Variants in ZBTB44 observed in about 807,000 individuals in gnomAD.
ZBTB44 encodes the protein zinc finger and BTB domain containing 44.
ZBTB44 carries 15 observed loss-of-function variants against 54.0 expected under a neutral mutation model. The ratio of observed to expected loss-of-function variants is 0.28; its 90% CI spans 0.19 to 0.43. ZBTB44 has a LOEUF of 0.43. Ranked by LOEUF, ZBTB44 falls within the 20% of genes least tolerant of loss-of-function variation. ZBTB44 has a pLI of 1.00. For missense variants in ZBTB44, 487 were observed against 707.1 expected, an observed-to-expected ratio of 0.69 and a Z score of 3.53; for synonymous variants, 230 against 250.1, an observed-to-expected ratio of 0.92 and a Z score of 0.76.
At chr11:130,293,746 A>G (rs150080866) in intron 1 of ZBTB44, among the ~76,000 whole-genome samples, 2 of 151,916 alleles carry the variant, frequency 1.3e-5, no homozygotes, top group Admixed American at 1.3e-4. Flanking sequence ...CCGTGGGCCA[A>G]GACTGCACCA....
At chr11:130,239,516 C>G in intron 3 of ZBTB44, 1 of 262,142 alleles carries the variant, frequency 3.8e-6, no homozygotes, top group Non-Finnish European at 7.5e-6. Context: ...TCCAGTAATA[C>G]TTGATTTACA....
Position 130,228,258 on chromosome 11 carries a change from A to ATCT in ZBTB44, c.*3505_*3506insAGA, listed in dbSNP as rs1953756331. On this transcript the variant is annotated 3_prime_UTR_variant, in exon 8 of 8. Transcript: ENST00000357899. ...TTGCTTTTTTAAAAAATACCTTGAG[A>ATCT]TATAAGCATTAGAAGTCATCACTTT... The ATCT allele has an allele frequency of 6.6e-6, 1 of 152,224 alleles. No homozygotes were observed. Among genetic ancestry groups the ATCT allele is most frequent in the Non-Finnish European group, 1.5e-5 (1 of 68,040 alleles). 9.4% of individuals were successfully genotyped at this position (152,224 alleles called of 1,614,324 possible). A position where few individuals can be genotyped will look rare whatever the true frequency, so the allele number is the denominator to read the frequency against.
chr11:130,282,469 G>C (rs1263939319), intron 1 of ZBTB44, among the ~76,000 whole-genome samples: 3 of 152,216 alleles, frequency 2.0e-5, no homozygotes, highest in African/African-American at 4.8e-5. Context: ...ACTGTGTCAA[G>C]ATTTCTTCCT....
intron 1 of ZBTB44, among the ~76,000 whole-genome samples, chr11:130,300,351 C>A (rs1282565689): frequency 6.6e-6 from 1 of 151,894 alleles, no homozygotes; most frequent in Non-Finnish European, 1.5e-5. Flanking sequence ...CACACACACA[C>A]AAATCAATGG....
Position 130,278,590 on chromosome 11 carries a change from T to C in ZBTB44, c.-56-16661A>G, listed in dbSNP as rs139867394. 7.1e-4 allele frequency among the ~76,000 whole-genome samples: 108 copies of C among 152,300 alleles called. 1 individual carries two copies. The South Asian group carries it at 0.012, about 17-fold the overall frequency. ...CTTAAGTGTTTAATGGTATGTGGGA[T>C]GGTGTCTTATGTTTTGCTGAAGCTC... On this transcript the variant is annotated intron_variant, in intron 1 of 7. Transcript: ENST00000357899.
chr11:130,269,540 G>A (rs1006619282), intron 1 of ZBTB44, among the ~76,000 whole-genome samples: 7 of 152,110 alleles, frequency 4.6e-5, no homozygotes, highest in African/African-American at 1.7e-4. Context: ...ATGAAATACT[G>A]CTATCACACA....
chr11:130,251,467 G>GTATCTT, intron 2 of ZBTB44, among the ~76,000 whole-genome samples: 1 of 152,066 alleles, frequency 6.6e-6, no homozygotes, highest in Non-Finnish European at 1.5e-5. Flanking sequence ...TACTCCTCGA[G>GTATCTT]AATAGCAACC....
chr11:130,295,630 T>A lies in ZBTB44; in HGVS notation c.-57+18745A>T, dbSNP rs201896132. 154 of 769,518 alleles carry A rather than the reference T, an allele frequency of 2.0e-4. No homozygotes were observed. In the South Asian group the frequency reaches 2.4e-3, roughly 12 times the overall value. The allele number at this position is 769,518 out of a possible 1,614,324, so 47.7% of individuals were successfully genotyped here. ...ATATTGTCAATGAAAACTCTGAAGT[T>A]AAAAAAAAAAATGGGTTTTACCAAC... On this transcript the variant is annotated intron_variant, in intron 1 of 7. Coordinates refer to ENST00000357899, the MANE Select transcript of ZBTB44 (RefSeq NM_001301098.2).
At chr11:130,286,279 A>C (rs977500561) in intron 1 of ZBTB44, among the ~76,000 whole-genome samples, 28 of 152,382 alleles carry the variant, frequency 1.8e-4, no homozygotes, top group African/African-American at 6.3e-4. Context: ...GTGACTGTGA[A>C]AATGACAGAT....
At chr11:130,285,619 C>A in intron 1 of ZBTB44, 1 of 244,790 alleles carries the variant, frequency 4.1e-6, no homozygotes, top group Non-Finnish European at 8.3e-6. Context: ...ATCTAAGCTT[C>A]CCATTCTGTT....
At chr11:130,241,573 A>G (rs1028513319) in intron 2 of ZBTB44, among the ~76,000 whole-genome samples, 7 of 152,148 alleles carry the variant, frequency 4.6e-5, no homozygotes, top group Admixed American at 2.6e-4. Flanking sequence ...CCTTTTTAGC[A>G]TAAGAGTTCT....
rs1565638497 is a variant in ZBTB44, at chr11:130,230,751, C to T, written c.*1013G>A. 2 of 151,968 alleles carry T rather than the reference C, an allele frequency of 1.3e-5. No homozygotes were observed. The highest frequency in any genetic ancestry group is 1.3e-4 in the Admixed American group (2 of 15,254). The allele number at this position is 151,968 out of a possible 1,614,324, so 9.4% of individuals were successfully genotyped here. ...AAAAAATAAAGACCAATATTAATCT[C>T]TTTATTTCTGAATGAGATGAAATCA... On this transcript the variant is annotated 3_prime_UTR_variant, in exon 8 of 8. Transcript: ENST00000357899.
Position 130,227,138 on chromosome 11 carries a change from A to T in ZBTB44, c.*4626T>A, listed in dbSNP as rs1278150304. On this transcript the variant is annotated 3_prime_UTR_variant, in exon 8 of 8. Coordinates refer to ENST00000357899, the MANE Select transcript of ZBTB44 (RefSeq NM_001301098.2). ...ATATATATATATGTAGTCACCAAGA[A>T]CTATGGTTCCTGTAAAATACTAATA... is the stretch of plus-strand genomic sequence containing the variant. 1 of 152,214 alleles carries T rather than the reference A, an allele frequency of 6.6e-6. No individual in the cohort carries two copies. The highest frequency in any genetic ancestry group is 2.4e-5 in the African/African-American group (1 of 41,462). The allele number at this position is 152,214 out of a possible 1,614,324, so 9.4% of individuals were successfully genotyped here.
At chr11:130,244,024 A>G (rs952993990) in intron 2 of ZBTB44, among the ~76,000 whole-genome samples, 1 of 152,120 alleles carries the variant, frequency 6.6e-6, no homozygotes, top group African/African-American at 2.4e-5. Context: ...CTTTGAGTTG[A>G]TCAACCAAAG....
intron 2 of ZBTB44, among the ~76,000 whole-genome samples, chr11:130,247,589 G>C (rs971954247): frequency 6.6e-6 from 1 of 152,176 alleles, no homozygotes; most frequent in Admixed American, 6.5e-5. Context: ...AGAAATAAAC[G>C]ATAATGAGAG....
chr11:130,262,542 T>C (rs1046070750), intron 1 of ZBTB44, among the ~76,000 whole-genome samples: 4 of 152,152 alleles, frequency 2.6e-5, no homozygotes, highest in Non-Finnish European at 5.9e-5. Context: ...ATGCTTCACA[T>C]TTAATAGTTA....
In ZBTB44 at chr11:130,229,650, T is replaced by C. The variant is rs927083855; in HGVS notation, c.*2114A>G. ...GTATGCTTAGTTTTAATATTCCTCA[T>C]AGACATGTTTGCCACAACAGAGCTT... is the stretch of plus-strand genomic sequence containing the variant. On this transcript the variant is annotated 3_prime_UTR_variant, in exon 8 of 8. Coordinates refer to ENST00000357899, the MANE Select transcript of ZBTB44 (RefSeq NM_001301098.2). 6.6e-6 allele frequency: 1 copy of C among 152,218 alleles called. No homozygotes were observed. The highest frequency in any genetic ancestry group is 1.5e-5 in the Non-Finnish European group (1 of 68,022). The allele number at this position is 152,218 out of a possible 1,614,324, so 9.4% of individuals were successfully genotyped here. A position where few individuals can be genotyped will look rare whatever the true frequency, so the allele number is the denominator to read the frequency against.
chr11:130,276,242 A>AAAAAAG (rs59112840), intron 1 of ZBTB44, among the ~76,000 whole-genome samples: 15 of 94,456 alleles, frequency 1.6e-4, no homozygotes, highest in Non-Finnish European at 2.9e-4. Context: ...CAAAAAAAAA[A>AAAAAAG]AAAAGAAAAA....
chr11:130,277,438 G>A (rs1940186787), intron 1 of ZBTB44, among the ~76,000 whole-genome samples: 1 of 151,860 alleles, frequency 6.6e-6, no homozygotes, highest in Non-Finnish European at 1.5e-5. Flanking sequence ...ATCTGCTCAT[G>A]ATTACAAACA....
Sources: gnomAD v4.1 joint callset for allele counts (sites outside exome capture counted in the v4.1 genomes callset) on GRCh38, gnomAD v4.1.1 for gene constraint, MANE v1.5 for transcripts, NCBI Gene and HGNC (gene_info 2026-07-23, HGNC 2026-07-21) for gene names.